Variants in COL26A1 observed in about 807,000 individuals in gnomAD.
COL26A1 encodes collagen type XXVI alpha 1 chain.
Under a neutral mutation model 59.3 loss-of-function variants are expected in COL26A1, and 41 were observed. The observed-to-expected ratio is 0.69, with a 90% CI of 0.54 to 0.90. The LOEUF is 0.90. Among genes scored for constraint, COL26A1 ranks in the 40% least tolerant of loss-of-function variants. COL26A1 has a pLI of 0.00. For missense variants in COL26A1, 612 were observed against 602.3 expected (o/e 1.02, Z -0.17); for synonymous variants, 266 against 256.0 (o/e 1.04, Z -0.37).
chr7:101,421,954 C>T (rs781213477), intron 2 of COL26A1, among the ~76,000 whole-genome samples: 40 of 152,234 alleles, frequency 2.6e-4, no homozygotes, highest in Non-Finnish European at 5.0e-4. Context: ...TGTTTTGATA[C>T]AGGTCATTCT....
At chr7:101,546,511 A>G (rs1207999518) in intron 7 of COL26A1, among the ~76,000 whole-genome samples, 1 of 151,932 alleles carries the variant, frequency 6.6e-6, no homozygotes, top group Admixed American at 6.6e-5. Context: ...CCTGGCCTCA[A>G]GTGATCCTCC....
At chr7:101,471,377 T>C (rs1361711653) in intron 3 of COL26A1, among the ~76,000 whole-genome samples, 7 of 152,164 alleles carry the variant, frequency 4.6e-5, no homozygotes, top group Non-Finnish European at 1.0e-4. Flanking sequence ...TAGTGGGTTC[T>C]TGGATCTTAC....
chr7:101,522,666 T>C (rs1460602064), intron 3 of COL26A1, among the ~76,000 whole-genome samples: 1 of 152,170 alleles, frequency 6.6e-6, no homozygotes. Context: ...GGAGGAGATA[T>C]CTGGGAATGG....
intron 2 of COL26A1, among the ~76,000 whole-genome samples, chr7:101,438,522 G>A (rs989470006): frequency 3.3e-5 from 5 of 151,594 alleles, no homozygotes; most frequent in Non-Finnish European, 5.9e-5. Context: ...TGTTGGTGTG[G>A]ACCAAGTCCA....
intron 1 of COL26A1, among the ~76,000 whole-genome samples, chr7:101,404,227 C>T (rs113842667): frequency 1.3e-5 from 2 of 152,288 alleles, no homozygotes; most frequent in African/African-American, 4.8e-5. Context: ...CTGTGTGATG[C>T]TGCCTAATTA....
chr7:101,407,019 G>C (rs555055999), intron 1 of COL26A1, among the ~76,000 whole-genome samples: 1 of 152,120 alleles, frequency 6.6e-6, no homozygotes, highest in African/African-American at 2.4e-5. Flanking sequence ...AATAGGGTGA[G>C]TCTCCAAGCT....
At chr7:101,420,766 C>CGCCCATAGTCAGCCCT (rs1792499203) in intron 2 of COL26A1, among the ~76,000 whole-genome samples, 197 of 128,748 alleles carry the variant, frequency 1.5e-3, no homozygotes, top group African/African-American at 3.4e-3. Flanking sequence ...TCACCAGCCC[C>CGCCCATAGTCAGCCCT]TCCCTCTCAC....
At chr7:101,474,466 C>G (rs974475948) in intron 3 of COL26A1, among the ~76,000 whole-genome samples, 2 of 152,076 alleles carry the variant, frequency 1.3e-5, no homozygotes, top group Non-Finnish European at 2.9e-5. Context: ...GTGTCACACA[C>G]CTGTAGACTC....
intron 9 of COL26A1, 100 bp from the exon 10 acceptor site, chr7:101,551,008 C>T (rs1795848001): frequency 7.5e-7 from 1 of 1,329,308 alleles, no homozygotes; most frequent in Non-Finnish European, 1.1e-6. Context: ...TCCTCTTCTG[C>T]AGACTCAGAG....
At chr7:101,394,818 C>T (rs993540055) in intron 1 of COL26A1, among the ~76,000 whole-genome samples, 20 of 151,008 alleles carry the variant, frequency 1.3e-4, no homozygotes, top group East Asian at 3.9e-4. Flanking sequence ...CTCCAGTTCT[C>T]CTTGGCTGTT....
At chr7:101,553,500 C>A in intron 11 of COL26A1, 124 bp downstream of exon 11, 1 of 881,878 alleles carries the variant, frequency 1.1e-6, no homozygotes, top group Non-Finnish European at 1.7e-6. Flanking sequence ...GCTGGGCCAC[C>A]GGGTGTACAG....
chr7:101,465,798 C>T (rs1307442768), intron 3 of COL26A1, among the ~76,000 whole-genome samples: 1 of 151,842 alleles, frequency 6.6e-6, no homozygotes, highest in Admixed American at 6.6e-5. Flanking sequence ...TAACCGGAAA[C>T]CCATGAACAG....
chr7:101,534,288 G>GGAGGCTGGGT (rs5886201), intron 4 of COL26A1, among the ~76,000 whole-genome samples: 76,152 of 151,702 alleles, frequency 0.5, 20,618 homozygotes, highest in African/African-American at 0.69. Context: ...CACGTGGCAG[G>GGAGGCTGGGT]GAGGACCAGG....
intron 3 of COL26A1, among the ~76,000 whole-genome samples, chr7:101,477,687 A>C (rs143512763): frequency 6.6e-6 from 1 of 152,194 alleles, no homozygotes; most frequent in Non-Finnish European, 1.5e-5. Flanking sequence ...ATAAGCCTCC[A>C]GATTTCTGCC....
chr7:101,475,791 T>G (rs1365341363), intron 3 of COL26A1, among the ~76,000 whole-genome samples: 1 of 94,448 alleles, frequency 1.1e-5, no homozygotes, highest in Non-Finnish European at 2.0e-5. Flanking sequence ...TTTCTTTCCT[T>G]CCTTCCTTCC....
At chr7:101,396,380 C>T (rs1179244919) in intron 1 of COL26A1, among the ~76,000 whole-genome samples, 2 of 152,164 alleles carry the variant, frequency 1.3e-5, no homozygotes, top group Admixed American at 6.5e-5. Context: ...AGTCTACTGC[C>T]CAGCCTCAGC....
Position 101,446,046 on chromosome 7 carries a change from C to CAAAAAAAA in COL26A1, c.282-1621_282-1614dup, listed in dbSNP as rs60343304. Among the ~76,000 whole-genome samples, 4 of 50,990 alleles carry CAAAAAAAA rather than the reference C, an allele frequency of 7.8e-5. 1 individual carries two copies. Among genetic ancestry groups the CAAAAAAAA allele is most frequent in the Non-Finnish European group, 1.1e-4 (3 of 26,450 alleles). 33.5% of individuals were successfully genotyped at this position (50,990 alleles called of 152,430 possible). On this transcript the variant is annotated intron_variant, in intron 2 of 12. Transcript: ENST00000313669. ...CTGATGACAGAGCAAGACTCCGTCT[C>CAAAAAAAA]AAAAAAAAAAAAAAAAAAAAAAAAG...
rs539967044 is a variant in COL26A1, at chr7:101,371,749, A to C, written c.158+8559A>C. 1.2e-4 allele frequency among the ~76,000 whole-genome samples: 18 copies of C among 152,262 alleles called. No individual in the cohort carries two copies. The South Asian group carries it at 3.7e-3, about 32-fold the overall frequency. On this transcript the variant is annotated intron_variant, in intron 1 of 12. Transcript: ENST00000313669. ...TGAAGCTGCAGTGAGCTATGATTAC[A>C]CCACTGCGCTCCAGCCTGGGTGACA...
intron 1 of COL26A1, among the ~76,000 whole-genome samples, chr7:101,386,679 C>T (rs935736237): frequency 6.6e-6 from 1 of 152,176 alleles, no homozygotes; most frequent in Non-Finnish European, 1.5e-5. Context: ...TGGGACAGCG[C>T]TGTGTTGACT....
Sources: gnomAD v4.1 joint callset for allele counts (sites outside exome capture counted in the v4.1 genomes callset) on GRCh38, gnomAD v4.1.1 for gene constraint, MANE v1.5 for transcripts, NCBI Gene and HGNC (gene_info 2026-07-23, HGNC 2026-07-21) for gene names.